Variants in SAP130 observed in about 807,000 individuals in gnomAD.
The protein encoded by SAP130 is Sin3A associated protein 130, also known as histone deacetylase complex subunit SAP130.
In SAP130, 16 loss-of-function variants were observed where a neutral mutation model predicts 103.2. That is an observed-to-expected ratio of 0.16 (90% CI 0.10 to 0.24). The LOEUF (loss-of-function observed/expected upper bound fraction) is 0.24, where lower values mean the gene tolerates loss of function less well. Among genes scored for constraint, SAP130 ranks in the 10% least tolerant of loss-of-function variants. SAP130 has a pLI of 1.00. For missense variants in SAP130, 990 were observed against 1,359.7 expected, an observed-to-expected ratio of 0.73 and a Z score of 4.28; for synonymous variants, 477 against 497.0, an observed-to-expected ratio of 0.96 and a Z score of 0.53.
In SAP130 at chr2:128,008,469, G is replaced by A. The variant is rs141321982; in HGVS notation, c.869+1800C>T. Among the ~76,000 whole-genome samples the A allele has an allele frequency of 1.6e-3, 243 of 150,084 alleles. 1 individual carries two copies. The highest frequency in any genetic ancestry group is 5.2e-3 in the African/African-American group (211 of 40,690). On this transcript the variant is annotated intron_variant, in intron 7 of 20. Coordinates refer to ENST00000643581, the MANE Select transcript of SAP130 (RefSeq NM_001330301.2). ...TAATCTCAAACTCCTGTGGTCACAT[G>A]ATCCTCCCACTTCCGTCTCCAAGTA... is the stretch of plus-strand genomic sequence containing the variant.
At chr2:127,948,593 C>T (rs151008444) in intron 18 of SAP130, among the ~76,000 whole-genome samples, 65 of 151,034 alleles carry the variant, frequency 4.3e-4, no homozygotes, top group African/African-American at 1.5e-3. Context: ...CCGCCCGCCT[C>T]GGCCTCACAA....
intron 18 of SAP130, among the ~76,000 whole-genome samples, chr2:127,948,484 C>A (rs1439929265): frequency 6.6e-6 from 1 of 151,694 alleles, no homozygotes; most frequent in Non-Finnish European, 1.5e-5. Context: ...GGATTACAGG[C>A]ACCCGCCATC....
chr2:127,959,140 G>T (rs1384715016), intron 15 of SAP130, among the ~76,000 whole-genome samples: 1 of 152,188 alleles, frequency 6.6e-6, no homozygotes, highest in Non-Finnish European at 1.5e-5. Flanking sequence ...GGAGAAAAAG[G>T]CACATTGTCT....
chr2:128,000,082 T>C lies in SAP130; in HGVS notation c.1082A>G (p.Asn361Ser). 1 of 1,614,128 alleles carries C rather than the reference T, an allele frequency of 6.2e-7. No individual in the cohort carries two copies. The highest frequency in any genetic ancestry group is 8.5e-7 in the Non-Finnish European group (1 of 1,180,002). Residue 361 changes from asparagine (N) to serine (S), a missense_variant, in exon 9 of 21, where the codon AAC becomes AGC. Physicochemically the swap from Asn to Ser is conservative, Grantham distance 46. Around this residue, in one of 6 missense-constraint regions of SAP130, gnomAD observed 336 missense variants for 520.1 expected, o/e 0.65. Coordinates refer to ENST00000643581, the MANE Select transcript of SAP130 (RefSeq NM_001330301.2). ...AATVAPILATNTIPSATTAGS... is the reference protein window; with the variant it reads ...AATVAPILATSTIPSATTAGS... Reference sequence around the variant, plus strand: ...AGCTGTGGTCGCTGAAGGAATGGTGTTGGTTGCCAAAATAGGTGCTACTGT... The same window carrying C: ...AGCTGTGGTCGCTGAAGGAATGGTGCTGGTTGCCAAAATAGGTGCTACTGT...
intron 2 of SAP130, among the ~76,000 whole-genome samples, chr2:128,024,998 T>C (rs868425393): frequency 8.1e-5 from 10 of 123,766 alleles, no homozygotes; most frequent in East Asian, 6.6e-4. Flanking sequence ...TGAGACCCTA[T>C]TGCGCAAAAA....
intron 15 of SAP130, among the ~76,000 whole-genome samples, chr2:127,956,728 G>C (rs1311349005): frequency 2.1e-5 from 3 of 143,390 alleles, no homozygotes; most frequent in Non-Finnish European, 4.6e-5. Context: ...AAAAAAGAAA[G>C]TTGGGTGCAG....
At chr2:127,959,908 C>T (rs1680118677) in intron 15 of SAP130, among the ~76,000 whole-genome samples, 1 of 152,156 alleles carries the variant, frequency 6.6e-6, no homozygotes, top group Non-Finnish European at 1.5e-5. Context: ...ATAAGACGGT[C>T]TTGCTGTGTT....
At chr2:127,978,158 T>A in intron 14 of SAP130, 69 bp from the exon 15 acceptor site, 1 of 1,156,698 alleles carries the variant, frequency 8.6e-7, no homozygotes, top group Non-Finnish European at 1.3e-6. Flanking sequence ...AAATACAGGA[T>A]GCACATTTGC....
At chr2:127,956,092 G>A (rs539430454) in intron 15 of SAP130, among the ~76,000 whole-genome samples, 2 of 151,960 alleles carry the variant, frequency 1.3e-5, no homozygotes, top group South Asian at 2.1e-4. Flanking sequence ...CTGAGGTTGA[G>A]CTGATTACTA....
In SAP130 at chr2:128,024,366, T is replaced by C. The variant is rs75701576; in HGVS notation, c.112+1815A>G. ...AGGAGGAAGGCTAAATAGTAAGAAA[T>C]GAGGCTGGAACATTAGACAAGGGCC... On this transcript the variant is annotated intron_variant, in intron 2 of 20. Coordinates refer to ENST00000643581, the MANE Select transcript of SAP130 (RefSeq NM_001330301.2). Among the ~76,000 whole-genome samples the C allele has an allele frequency of 6.0e-3, 912 of 151,324 alleles. 19 individuals are homozygous for C. Among genetic ancestry groups the C allele is most frequent in the African/African-American group, 0.019 (787 of 41,236 alleles).
At position 128,017,883 on chromosome 2, in the gene SAP130, T is replaced by G; in HGVS notation, c.145A>C (p.Ser49Arg). 6.2e-7 allele frequency: 1 copy of G among 1,614,194 alleles called. No individual in the cohort carries two copies. The highest frequency in any genetic ancestry group is 1.1e-5 in the South Asian group (1 of 91,078). Residue 49 changes from serine (S) to arginine (R), a missense_variant, in exon 3 of 21, where the codon AGT (serine) becomes CGT (arginine). This residue lies in a region of SAP130 where 167 missense variants were observed against 187.4 expected (regional missense o/e 0.89). Transcript: ENST00000643581. ...CTGGAACTCATGTGCTCCCTGGCACTGACTTCAGAATCTCGACCAGATTCA... is the reference window on the plus strand; with the variant it reads ...CTGGAACTCATGTGCTCCCTGGCACGGACTTCAGAATCTCGACCAGATTCA... ...NDESGRDSEV[S>R]AREHMSSSSS...
chr2:128,001,132 C>T (rs899576145), intron 7 of SAP130, among the ~76,000 whole-genome samples: 2 of 152,142 alleles, frequency 1.3e-5, no homozygotes, highest in African/African-American at 4.8e-5. Flanking sequence ...TTAGTTATGG[C>T]TGCCTCAGGA....
chr2:127,943,480 C>T (rs749412794), intron 19 of SAP130, among the ~76,000 whole-genome samples: 3 of 152,176 alleles, frequency 2.0e-5, no homozygotes, highest in African/African-American at 7.2e-5. Context: ...AATGTACTTA[C>T]ACAAACCTAG....
chr2:127,973,479 G>A (rs921292979), intron 15 of SAP130, among the ~76,000 whole-genome samples: 10 of 152,148 alleles, frequency 6.6e-5, no homozygotes, highest in South Asian at 4.1e-4. Context: ...TGATCCGCCC[G>A]CCTGACTCCC....
chr2:128,000,579 T>G, intron 7 of SAP130, 125 bp from the exon 8 acceptor site: 1 of 1,061,102 alleles, frequency 9.4e-7, no homozygotes, highest in East Asian at 2.6e-5. Flanking sequence ...ATACTTGGTC[T>G]TTAATCACAC....
At position 127,941,988 on chromosome 2, in the gene SAP130, C is replaced by A; in HGVS notation, c.*18G>T. 7.9e-7 allele frequency: 1 copy of A among 1,266,776 alleles called. No homozygotes were observed. Among genetic ancestry groups the A allele is most frequent in the Non-Finnish European group, 1.0e-6 (1 of 976,588 alleles). The allele number at this position is 1,266,776 out of a possible 1,614,324, so 78.5% of individuals were successfully genotyped here. A position where few individuals can be genotyped will look rare whatever the true frequency, so the allele number is the denominator to read the frequency against. On this transcript the variant is annotated 3_prime_UTR_variant, in exon 21 of 21. Coordinates refer to ENST00000643581, the MANE Select transcript of SAP130 (RefSeq NM_001330301.2). Reference sequence around the variant, plus strand: ...CATTCTTCATAAATTTGCTTCCAATCTCCTGATTGTTCTGGGTCTAGACTT... The same window carrying A: ...CATTCTTCATAAATTTGCTTCCAATATCCTGATTGTTCTGGGTCTAGACTT...
intron 2 of SAP130, 84 bp from the exon 3 acceptor site, chr2:128,017,999 T>C: frequency 8.9e-7 from 1 of 1,117,712 alleles, no homozygotes; most frequent in East Asian, 2.5e-5. Context: ...TACCTGAAGT[T>C]AAATCTCAGG....
In SAP130 at chr2:128,016,550, G is replaced by A. The variant is rs1274027683; in HGVS notation, c.349-3C>T. The A allele has an allele frequency of 1.2e-6, 2 of 1,608,036 alleles. No individual in the cohort carries two copies. Among genetic ancestry groups the A allele is most frequent in the Admixed American group, 1.7e-5 (1 of 59,166 alleles). ...GGCATGGTGGGCTTCGGGGGCGGCTGCAAACAGAAAACCACACAAAACATA... is the reference window on the plus strand; with the variant it reads ...GGCATGGTGGGCTTCGGGGGCGGCTACAAACAGAAAACCACACAAAACATA... On this transcript the variant is annotated splice_region_variant and splice_polypyrimidine_tract_variant and intron_variant, in intron 3 of 20. Transcript: ENST00000643581.
At chr2:128,019,544 A>G (rs1462982727) in intron 2 of SAP130, among the ~76,000 whole-genome samples, 1 of 151,940 alleles carries the variant, frequency 6.6e-6, no homozygotes, top group Non-Finnish European at 1.5e-5. Context: ...TGCTGAGATT[A>G]CAGGTGTGAG....
Sources: allele counts gnomAD v4.1 joint callset (sites outside exome capture counted in the v4.1 genomes callset), GRCh38; gene constraint gnomAD v4.1.1; regional missense constraint gnomAD v4.1.1; transcripts MANE v1.5; gene names NCBI Gene and HGNC (gene_info 2026-07-23, HGNC 2026-07-21).